Variants in CADM2 observed in about 807,000 individuals in gnomAD.
The protein encoded by CADM2 is immunoglobulin superfamily member 4D.
In CADM2, 12 loss-of-function variants were observed where a neutral mutation model predicts 49.8. The observed-to-expected ratio is 0.24, with a 90% CI of 0.15 to 0.39. The LOEUF (loss-of-function observed/expected upper bound fraction) is 0.39, where lower values mean the gene tolerates loss of function less well. Ranked by LOEUF, CADM2 falls within the 10% of genes least tolerant of loss-of-function variation. The pLI, the probability that CADM2 is intolerant of heterozygous loss-of-function variation, is 1.00. For missense variants in CADM2, 378 were observed against 492.3 expected, an observed-to-expected ratio of 0.77 and a Z score of 2.20; for synonymous variants, 214 against 175.4, an observed-to-expected ratio of 1.22 and a Z score of -1.74.
chr3:85,926,244 G>T (rs931467425), intron 6 of CADM2, among the ~76,000 whole-genome samples: 7 of 152,074 alleles, frequency 4.6e-5, no homozygotes, highest in Non-Finnish European at 7.4e-5. Flanking sequence ...TTGGGCAAGA[G>T]AATTCTGTTT....
intron 1 of CADM2, among the ~76,000 whole-genome samples, chr3:85,575,731 A>G (rs183816235): frequency 6.6e-6 from 1 of 152,182 alleles, no homozygotes; most frequent in Non-Finnish European, 1.5e-5. Flanking sequence ...TGACACTTGC[A>G]TGATAGTATG....
At chr3:85,291,181 G>A (rs1261657516) in intron 1 of CADM2, among the ~76,000 whole-genome samples, 1 of 152,050 alleles carries the variant, frequency 6.6e-6, no homozygotes, top group Non-Finnish European at 1.5e-5. Context: ...TGGAAGAAAG[G>A]GTATTAGCAA....
At chr3:85,858,823 A>G (rs1559705173) in intron 3 of CADM2, among the ~76,000 whole-genome samples, 1 of 152,232 alleles carries the variant, frequency 6.6e-6, no homozygotes, top group Non-Finnish European at 1.5e-5. Context: ...ATGCTGACAC[A>G]TTAATCATGT....
At chr3:85,581,964 A>G (rs1485901477) in intron 1 of CADM2, among the ~76,000 whole-genome samples, 1 of 151,846 alleles carries the variant, frequency 6.6e-6, no homozygotes, top group African/African-American at 2.4e-5. Flanking sequence ...GTCTTGCTCT[A>G]TCACCAGGGT....
chr3:85,033,293 T>C (rs1238779925), intron 1 of CADM2, among the ~76,000 whole-genome samples: 1 of 152,228 alleles, frequency 6.6e-6, no homozygotes, highest in African/African-American at 2.4e-5. Context: ...ATTGGAATTT[T>C]ACTCCCAAGG....
At chr3:85,191,861 A>G (rs1479413357) in intron 1 of CADM2, among the ~76,000 whole-genome samples, 3 of 152,028 alleles carry the variant, frequency 2.0e-5, no homozygotes, top group Non-Finnish European at 4.4e-5. Context: ...CAAAGCCTGT[A>G]GTTTTCAGAA....
Position 85,927,930 on chromosome 3 carries a change from C to T in CADM2, c.701-7837C>T, listed in dbSNP as rs1720089366. ...TGGATAAATTTTGTTAAGCCAATGA[C>T]GCTAAATACTTTCAAAGCTTGTGCT... On this transcript the variant is annotated intron_variant, in intron 6 of 9. Coordinates refer to ENST00000383699, the MANE Select transcript of CADM2 (RefSeq NM_001167675.2). Among the ~76,000 whole-genome samples, 4 of 152,116 alleles carry T rather than the reference C, an allele frequency of 2.6e-5. No individual in the cohort carries two copies. The South Asian group carries it at 8.3e-4, about 32-fold the overall frequency.
intron 1 of CADM2, among the ~76,000 whole-genome samples, chr3:84,965,100 TGAA>T (rs1337010128): frequency 6.6e-6 from 1 of 152,168 alleles, no homozygotes; most frequent in Non-Finnish European, 1.5e-5. Context: ...TCATAAAAAA[TGAA>T]GGACACAATT....
chr3:85,883,773 C>T (rs1713161194), intron 4 of CADM2, among the ~76,000 whole-genome samples: 1 of 152,024 alleles, frequency 6.6e-6, no homozygotes, highest in Non-Finnish European at 1.5e-5. Context: ...TATTCTGATC[C>T]TTTTACGACA....
intron 8 of CADM2, among the ~76,000 whole-genome samples, chr3:86,044,779 A>G (rs1578047604): frequency 1.3e-5 from 2 of 152,204 alleles, no homozygotes; most frequent in Non-Finnish European, 2.9e-5. Context: ...TTGCGGCACT[A>G]TTCACAATAG....
intron 2 of CADM2, among the ~76,000 whole-genome samples, chr3:85,731,652 T>G (rs2067934505): frequency 6.6e-6 from 1 of 152,146 alleles, no homozygotes; most frequent in Admixed American, 6.6e-5. Flanking sequence ...ATGTTTATAT[T>G]CATTATAAGA....
chr3:85,179,125 C>T (rs933997910), intron 1 of CADM2, among the ~76,000 whole-genome samples: 5 of 151,916 alleles, frequency 3.3e-5, no homozygotes, highest in African/African-American at 7.2e-5. Flanking sequence ...AGGCAAGTGT[C>T]TAGATGTCTT....
intron 1 of CADM2, among the ~76,000 whole-genome samples, chr3:85,303,811 G>A (rs1022096894): frequency 1.8e-4 from 28 of 151,704 alleles, no homozygotes; most frequent in African/African-American, 6.5e-4. Flanking sequence ...CGGATTCTTC[G>A]TTCCAATGTG....
intron 8 of CADM2, among the ~76,000 whole-genome samples, chr3:85,987,825 T>C (rs1728305103): frequency 6.6e-6 from 1 of 151,616 alleles, no homozygotes; most frequent in Non-Finnish European, 1.5e-5. Flanking sequence ...TCTACATATA[T>C]AAGTAAATGT....
chr3:85,356,975 A>G (rs2031914218), intron 1 of CADM2, among the ~76,000 whole-genome samples: 1 of 152,158 alleles, frequency 6.6e-6, no homozygotes, highest in South Asian at 2.1e-4. Flanking sequence ...AGAAGTATGA[A>G]GATTAGTTGG....
intron 1 of CADM2, among the ~76,000 whole-genome samples, chr3:85,432,404 T>C (rs769333623): frequency 6.6e-5 from 10 of 152,058 alleles, no homozygotes; most frequent in Non-Finnish European, 1.5e-4. Context: ...TTCAAGAATT[T>C]CTGCAAAAAT....
intron 1 of CADM2, among the ~76,000 whole-genome samples, chr3:85,415,573 C>CCTCT (rs1419661181): frequency 3.3e-5 from 5 of 151,992 alleles, no homozygotes; most frequent in African/African-American, 1.2e-4. Flanking sequence ...AGGTACTTTT[C>CCTCT]CTCTGGATTG....
At chr3:85,043,658 G>T (rs966083528) in intron 1 of CADM2, among the ~76,000 whole-genome samples, 6 of 152,088 alleles carry the variant, frequency 3.9e-5, no homozygotes, top group African/African-American at 1.4e-4. Flanking sequence ...AAGTCTGGGT[G>T]ACAGAGTGAG....
chr3:85,765,065 T>C (rs2069590800), intron 2 of CADM2, among the ~76,000 whole-genome samples: 1 of 152,078 alleles, frequency 6.6e-6, no homozygotes, highest in African/African-American at 2.4e-5. Context: ...GAGCTCAACT[T>C]TGAATTTTTA....
Sources: gnomAD v4.1 joint callset for allele counts (sites outside exome capture counted in the v4.1 genomes callset) on GRCh38, gnomAD v4.1.1 for gene constraint, MANE v1.5 for transcripts, NCBI Gene and HGNC (gene_info 2026-07-23, HGNC 2026-07-21) for gene names.